OPCML: variants seen among roughly 807,000 people sequenced by gnomAD.
OPCML encodes the protein opioid binding protein/cell adhesion molecule like.
In OPCML, 13 loss-of-function variants were observed where a neutral mutation model predicts 37.8. The ratio of observed to expected loss-of-function variants is 0.34; its 90% CI spans 0.22 to 0.55. OPCML has a LOEUF of 0.55. Among genes scored for constraint, OPCML ranks in the 20% least tolerant of loss-of-function variants. The pLI is 0.91. For missense variants in OPCML, 341 were observed against 435.6 expected, an observed-to-expected ratio of 0.78 and a Z score of 1.93; for synonymous variants, 176 against 168.8, an observed-to-expected ratio of 1.04 and a Z score of -0.33.
chr11:132,969,292 G>C (rs1946287288), intron 1 of OPCML, among the ~76,000 whole-genome samples: 1 of 152,154 alleles, frequency 6.6e-6, no homozygotes, highest in Non-Finnish European at 1.5e-5. Context: ...AATGTCCTCT[G>C]TTAATATTGT....
chr11:133,195,459 T>C (rs1281694676), intron 1 of OPCML, among the ~76,000 whole-genome samples: 1 of 152,218 alleles, frequency 6.6e-6, no homozygotes, highest in Non-Finnish European at 1.5e-5. Context: ...ATTCTGACTT[T>C]GAAAAACATT....
intron 2 of OPCML, among the ~76,000 whole-genome samples, chr11:132,802,640 T>A (rs1938731123): frequency 6.6e-6 from 1 of 152,162 alleles, no homozygotes; most frequent in Non-Finnish European, 1.5e-5. Flanking sequence ...GAAAATACTG[T>A]ACCACAGAAT....
chr11:133,458,847 G>GTGTGTGTGTATATACACAGATA (rs759641206), intron 1 of OPCML, among the ~76,000 whole-genome samples: 1 of 135,074 alleles, frequency 7.4e-6, no homozygotes, highest in African/African-American at 3.3e-5. Context: ...ACACATAGAT[G>GTGTGTGTGTATATACACAGATA]CACGTGTGTG....
At chr11:133,178,419 A>ATATATT (rs1937654505) in intron 1 of OPCML, among the ~76,000 whole-genome samples, 1 of 152,054 alleles carries the variant, frequency 6.6e-6, no homozygotes, top group African/African-American at 2.4e-5. Flanking sequence ...GCGATCTGGA[A>ATATATT]GGTCACTTTT....
chr11:132,785,934 A>T (rs1256234562), intron 2 of OPCML, among the ~76,000 whole-genome samples: 2 of 152,216 alleles, frequency 1.3e-5, no homozygotes, highest in Non-Finnish European at 2.9e-5. Flanking sequence ...GTTTGGAGAA[A>T]CACAAGATTC....
chr11:132,755,069 T>G (rs1945989949), intron 2 of OPCML, among the ~76,000 whole-genome samples: 1 of 152,058 alleles, frequency 6.6e-6, no homozygotes, highest in African/African-American at 2.4e-5. Flanking sequence ...TATAGAAAAT[T>G]TGAAATCAGT....
At chr11:132,490,011 G>T (rs996039945) in intron 4 of OPCML, among the ~76,000 whole-genome samples, 6 of 152,106 alleles carry the variant, frequency 3.9e-5, no homozygotes, top group African/African-American at 1.4e-4. Context: ...CCCTGCAAAG[G>T]ACATGAACTC....
intron 1 of OPCML, among the ~76,000 whole-genome samples, chr11:133,250,511 AGAGGGAGGGAAGGGAGG>A (rs1195640496): frequency 1.0e-5 from 1 of 100,268 alleles, no homozygotes; most frequent in Non-Finnish European, 1.9e-5. Context: ...AGGGAGGGAG[AGAGGGAGGGAAGGGAGG>A]GAGGGAGGGA....
In OPCML at chr11:132,436,641, G is replaced by T. The variant is rs371384830; in HGVS notation, c.764+18C>A. On this transcript the variant is annotated intron_variant, in intron 6 of 7. Transcript: ENST00000524381. ...TCAGCTCTGCTTCAGAACTGTCCAG[G>T]TGTCATTTAAAAGGTACCTGGTTTC... The T allele has an allele frequency of 6.2e-7, 1 of 1,613,870 alleles. No homozygotes were observed. The highest frequency in any genetic ancestry group is 1.3e-5 in the African/African-American group (1 of 74,910).
At chr11:132,672,454 A>G (rs1942517628) in intron 2 of OPCML, among the ~76,000 whole-genome samples, 1 of 152,194 alleles carries the variant, frequency 6.6e-6, no homozygotes, top group Non-Finnish European at 1.5e-5. Flanking sequence ...TCCCACCTTC[A>G]TTAAGCACTG....
chr11:133,340,888 C>G (rs533194487), intron 1 of OPCML, among the ~76,000 whole-genome samples: 1 of 152,226 alleles, frequency 6.6e-6, no homozygotes, highest in East Asian at 1.9e-4. Flanking sequence ...GAATAGTCTT[C>G]TCTGCAAGGG....
intron 1 of OPCML, chr11:133,008,172 A>G: frequency 1.0e-6 from 1 of 985,480 alleles, no homozygotes; most frequent in Non-Finnish European, 1.2e-6. Context: ...TCAGTGACCA[A>G]GAACCCTTGG....
At chr11:133,164,618 G>A (rs1370702823) in intron 1 of OPCML, among the ~76,000 whole-genome samples, 1 of 152,218 alleles carries the variant, frequency 6.6e-6, no homozygotes, top group Non-Finnish European at 1.5e-5. Context: ...ATGTAGGGAT[G>A]ACAGACATTA....
intron 1 of OPCML, among the ~76,000 whole-genome samples, chr11:133,247,750 G>A (rs1418688649): frequency 2.6e-5 from 4 of 151,748 alleles, no homozygotes; most frequent in East Asian, 1.9e-4. Context: ...CTATCCACAT[G>A]AGCCACCATG....
At chr11:132,628,007 AT>A (rs1476200269) in intron 3 of OPCML, among the ~76,000 whole-genome samples, 2 of 152,182 alleles carry the variant, frequency 1.3e-5, no homozygotes, top group Non-Finnish European at 2.9e-5. Flanking sequence ...CTAGGCTGAA[AT>A]TTTTTTGATT....
At chr11:133,042,475 C>T (rs562685235) in intron 1 of OPCML, among the ~76,000 whole-genome samples, 2 of 152,316 alleles carry the variant, frequency 1.3e-5, no homozygotes, top group African/African-American at 2.4e-5. Flanking sequence ...GAGCGGGACG[C>T]AAACGGTGCA....
chr11:132,983,232 G>A (rs1023796225), intron 1 of OPCML, among the ~76,000 whole-genome samples: 4 of 152,130 alleles, frequency 2.6e-5, no homozygotes, highest in Non-Finnish European at 4.4e-5. Context: ...GCAGGTCAGC[G>A]AAGACTCTCA....
chr11:132,468,172 C>T (rs1377545649), intron 4 of OPCML, among the ~76,000 whole-genome samples: 1 of 152,190 alleles, frequency 6.6e-6, no homozygotes, highest in Non-Finnish European at 1.5e-5. Context: ...GCTCACTCTC[C>T]TCTGGCTCTT....
At chr11:133,460,224 G>A (rs1178379615) in intron 1 of OPCML, among the ~76,000 whole-genome samples, 1 of 151,852 alleles carries the variant, frequency 6.6e-6, no homozygotes, top group African/African-American at 2.4e-5. Flanking sequence ...GAAAAGCAGA[G>A]CTAAGAGGAA....
Sources: allele counts gnomAD v4.1 joint callset (sites outside exome capture counted in the v4.1 genomes callset), GRCh38; gene constraint gnomAD v4.1.1; transcripts MANE v1.5; gene names NCBI Gene and HGNC (gene_info 2026-07-23, HGNC 2026-07-21).